The following BANK1 variants were observed in gnomAD, a reference collection of about 807,000 sequenced individuals.
The protein encoded by BANK1 is B cell scaffold protein with ankyrin repeats 1, also known as B-cell scaffold protein with ankyrin repeats.
BANK1 carries 95 observed loss-of-function variants against 94.5 expected under a neutral mutation model. The observed-to-expected ratio is 1.00, with a 90% CI of 0.85 to 1.19. The LOEUF (loss-of-function observed/expected upper bound fraction) is 1.19, where lower values mean the gene tolerates loss of function less well. Among genes scored for constraint, BANK1 ranks in the 50% most tolerant of loss-of-function variants. The pLI, the probability that BANK1 is intolerant of heterozygous loss-of-function variation, is 0.00. For synonymous variants in BANK1, 334 were observed against 308.4 expected, an observed-to-expected ratio of 1.08 and a Z score of -0.87; for missense variants, 987 against 932.2, an observed-to-expected ratio of 1.06 and a Z score of -0.77.
chr4:101,842,186 G>A (rs2148868270), intron 2 of BANK1, among the ~76,000 whole-genome samples: 1 of 152,310 alleles, frequency 6.6e-6, no homozygotes, highest in East Asian at 1.9e-4. Flanking sequence ...TGGTCCAGAA[G>A]TGGGGAAGAA....
At chr4:101,812,575 G>A (rs1725763430) in intron 1 of BANK1, among the ~76,000 whole-genome samples, 1 of 151,890 alleles carries the variant, frequency 6.6e-6, no homozygotes, top group Non-Finnish European at 1.5e-5. Flanking sequence ...TTTATATGAT[G>A]TAGAGCTTCG....
chr4:101,983,252 A>G (rs533671839), intron 7 of BANK1, among the ~76,000 whole-genome samples: 1 of 152,202 alleles, frequency 6.6e-6, no homozygotes, highest in South Asian at 2.1e-4. Flanking sequence ...CAAATACAGC[A>G]CTGACATTTA....
chr4:101,913,947 G>T (rs1254488552), intron 6 of BANK1, among the ~76,000 whole-genome samples: 1 of 152,216 alleles, frequency 6.6e-6, no homozygotes, highest in South Asian at 2.1e-4. Context: ...TGACATTCTA[G>T]AACTCAATTT....
intron 7 of BANK1, among the ~76,000 whole-genome samples, chr4:102,011,970 A>G (rs1237555066): frequency 6.6e-6 from 1 of 152,194 alleles, no homozygotes; most frequent in Non-Finnish European, 1.5e-5. Context: ...GAATCTGGCA[A>G]ACTGAGAAGA....
At chr4:101,993,577 G>A (rs1725778962) in intron 7 of BANK1, among the ~76,000 whole-genome samples, 2 of 152,080 alleles carry the variant, frequency 1.3e-5, no homozygotes, top group South Asian at 4.1e-4. Flanking sequence ...TAATTACTTG[G>A]CACTGAAGAA....
intron 10 of BANK1, among the ~76,000 whole-genome samples, chr4:102,041,444 C>G (rs1184864534): frequency 6.6e-6 from 1 of 152,040 alleles, no homozygotes; most frequent in Non-Finnish European, 1.5e-5. Context: ...ACCTCCCCAA[C>G]TGAAAGCGAT....
At chr4:101,867,638 G>A (rs1029820432) in intron 4 of BANK1, among the ~76,000 whole-genome samples, 1 of 151,880 alleles carries the variant, frequency 6.6e-6, no homozygotes, top group Non-Finnish European at 1.5e-5. Context: ...ATAAGGGACA[G>A]GAGGGACTTA....
chr4:101,883,919 G>T (rs867515472), intron 5 of BANK1, among the ~76,000 whole-genome samples: 2 of 151,916 alleles, frequency 1.3e-5, no homozygotes, highest in Admixed American at 6.6e-5. Context: ...AAAATTCCCG[G>T]GCCAAAAATA....
At chr4:101,835,785 T>C (rs765902649) in intron 2 of BANK1, among the ~76,000 whole-genome samples, 3 of 152,210 alleles carry the variant, frequency 2.0e-5, no homozygotes, top group Non-Finnish European at 4.4e-5. Flanking sequence ...TTCAGCTCTT[T>C]GAAGGTATGG....
At chr4:101,879,735 A>G (rs912603888) in intron 5 of BANK1, among the ~76,000 whole-genome samples, 11 of 152,282 alleles carry the variant, frequency 7.2e-5, no homozygotes, top group African/African-American at 2.6e-4. Flanking sequence ...TAGAAAGATC[A>G]TTCATCATGA....
At chr4:101,982,257 TC>T (rs1448098609) in intron 7 of BANK1, among the ~76,000 whole-genome samples, 1 of 151,414 alleles carries the variant, frequency 6.6e-6, no homozygotes, top group Non-Finnish European at 1.5e-5. Context: ...GATATTTTAA[TC>T]TATATAATAA....
chr4:102,031,322 T>C (rs1727301097), intron 10 of BANK1, among the ~76,000 whole-genome samples: 1 of 152,222 alleles, frequency 6.6e-6, no homozygotes, highest in African/African-American at 2.4e-5. Flanking sequence ...AAGTTCTTTG[T>C]AGATTCTGGA....
chr4:101,880,565 G>GA lies in BANK1; in HGVS notation c.903+9929dup, dbSNP rs1274271079. On this transcript the variant is annotated intron_variant, in intron 5 of 16. Transcript: ENST00000322953. The stretch of plus-strand genomic sequence containing the variant: ...ACCAATCACATTCTTTACAGAAATA[G>GA]AAAAAAAACTATCCTAAAGTTTATA... Among the ~76,000 whole-genome samples, 6 of 151,608 alleles carry GA rather than the reference G, an allele frequency of 4.0e-5. No homozygotes were observed. The South Asian group carries it at 6.2e-4, about 16-fold the overall frequency.
chr4:101,989,528 C>A (rs2631272), intron 7 of BANK1, among the ~76,000 whole-genome samples: 10,047 of 146,454 alleles, frequency 0.069, 580 homozygotes, highest in East Asian at 0.2. Context: ...ATCTAAAGAA[C>A]TTATTTCAAT....
At position 102,011,013 on chromosome 4, in the gene BANK1, A is replaced by C. The variant is rs572133446; in HGVS notation, c.1207-10501A>C. ...AACAGTTTCAGAAGCACTTTCAAAC[A>C]AACTAAATAGCATGAAATCCTCTCT... On this transcript the variant is annotated intron_variant, in intron 7 of 16. Coordinates refer to ENST00000322953, the MANE Select transcript of BANK1 (RefSeq NM_017935.5). Among the ~76,000 whole-genome samples, 132 of 152,378 alleles carry C rather than the reference A, an allele frequency of 8.7e-4. 3 individuals carry two copies. Among genetic ancestry groups the C allele is most frequent in the Non-Finnish European group, 3.5e-4 (24 of 68,036 alleles).
chr4:101,952,826 G>A lies in BANK1; in HGVS notation c.1206+34637G>A, dbSNP rs187196760. Among the ~76,000 whole-genome samples, 6 of 152,086 alleles carry A rather than the reference G, an allele frequency of 3.9e-5. No homozygotes were observed. In the South Asian group the frequency reaches 8.3e-4, roughly 21 times the overall value. On this transcript the variant is annotated intron_variant, in intron 7 of 16. Transcript: ENST00000322953. Reference sequence around the variant, plus strand: ...TTTCAAATCCAAGACTTGAGTCTGCGCCCTTACCACACTCCAGCATTGCCA... The same window carrying A: ...TTTCAAATCCAAGACTTGAGTCTGCACCCTTACCACACTCCAGCATTGCCA...
chr4:102,038,490 A>T (rs1011751699), intron 10 of BANK1, among the ~76,000 whole-genome samples: 1 of 152,168 alleles, frequency 6.6e-6, no homozygotes, highest in African/African-American at 2.4e-5. Context: ...TCCCAAATGA[A>T]GTCTCATGGG....
chr4:102,003,633 C>G lies in BANK1; in HGVS notation c.1207-17881C>G, dbSNP rs141660206. On this transcript the variant is annotated intron_variant, in intron 7 of 16. Coordinates refer to ENST00000322953, the MANE Select transcript of BANK1 (RefSeq NM_017935.5). ...GAAGTCATATTGAGGCACTTGTGCC[C>G]TTTTTTTAGTCAAGGTGATCACAAA... Among the ~76,000 whole-genome samples, 13 of 152,082 alleles carry G rather than the reference C, an allele frequency of 8.5e-5. No homozygotes were observed. The East Asian group carries it at 2.5e-3, about 29-fold the overall frequency.
chr4:101,885,399 A>G (rs1339261336), intron 5 of BANK1, among the ~76,000 whole-genome samples: 1 of 152,198 alleles, frequency 6.6e-6, no homozygotes, highest in South Asian at 2.1e-4. Flanking sequence ...TTCCAGGCAC[A>G]GTTGTCTGCT....
Sources: gnomAD v4.1 joint callset for allele counts (sites outside exome capture counted in the v4.1 genomes callset) on GRCh38, gnomAD v4.1.1 for gene constraint, MANE v1.5 for transcripts, NCBI Gene and HGNC (gene_info 2026-07-23, HGNC 2026-07-21) for gene names.